The following TARDBP variants were observed in gnomAD, a reference collection of about 807,000 sequenced individuals.
TARDBP encodes the protein TAR DNA-binding protein 43.
Under a neutral mutation model 38.3 loss-of-function variants are expected in TARDBP, and 4 were observed. The ratio of observed to expected loss-of-function variants is 0.10; its 90% CI spans 0.05 to 0.24. TARDBP has a LOEUF of 0.24. TARDBP is among the 10% of genes least tolerant of loss of function. The probability of loss-of-function intolerance (pLI) is 1.00; values close to 1 mark genes in which losing one functional copy is unlikely to be tolerated. For missense variants in TARDBP, 202 were observed against 521.9 expected (o/e 0.39, Z 5.97); for synonymous variants, 184 against 183.8 (o/e 1.00, Z -0.01).
At chr1:11,014,968 G>A (rs7555517) in intron 2 of TARDBP, among the ~76,000 whole-genome samples, 18,838 of 151,848 alleles carry the variant, frequency 0.12, 3,900 homozygotes, top group African/African-American at 0.43. Flanking sequence ...AAAAATTGGC[G>A]TGGTGGCGGG....
At chr1:11,026,759 GT>G, downstream of TARDBP, 10 of 755,612 alleles carry the variant, frequency 1.3e-5, no homozygotes, top group Middle Eastern at 4.0e-4. Context: ...CCTGGAGTCT[GT>G]TTTTTTGGGT....
At chr1:11,020,741 A>G in intron 5 of TARDBP, 142 bp downstream of exon 5, 2 of 734,904 alleles carry the variant, frequency 2.7e-6, no homozygotes, top group South Asian at 1.8e-5. Flanking sequence ...CCCCGTCTCT[A>G]TTAAAATACA....
chr1:11,030,092 C>G, downstream of TARDBP: 1 of 956,036 alleles, frequency 1.0e-6, no homozygotes, highest in Non-Finnish European at 1.6e-6. Flanking sequence ...TTTCTGCCTA[C>G]CACAGCTAAA....
chr1:11,014,941 C>CA (rs34247753), intron 2 of TARDBP, among the ~76,000 whole-genome samples: 8 of 150,886 alleles, frequency 5.3e-5, no homozygotes, highest in Middle Eastern at 3.4e-3. Flanking sequence ...CGTCTCAAAA[C>CA]AAAAAAAAAC....
chr1:11,020,431 A>G lies in TARDBP; in HGVS notation c.546A>G (p.Gln182=). The change falls in exon 5 of 6, where the codon CAA becomes CAG. Residue 182 remains glutamine, a splice_region_variant and synonymous_variant. Transcript: ENST00000240185. The stretch of plus-strand genomic sequence containing the variant: ...TTTCTTCCTTTTGATTTGATCAGCA[A>G]AGCCAAGATGAGCCTTTGAGAAGCA... ...WCDCKLPNSK[Q]SQDEPLRSRK... 1 of 1,614,094 alleles carries G rather than the reference A, an allele frequency of 6.2e-7. No homozygotes were observed. Among genetic ancestry groups the G allele is most frequent in the African/African-American group, 1.3e-5 (1 of 75,010 alleles).
intron 4 of TARDBP, among the ~76,000 whole-genome samples, chr1:11,019,544 TG>T (rs1319029472): frequency 4.6e-5 from 7 of 152,072 alleles, no homozygotes; most frequent in Non-Finnish European, 7.4e-5. Context: ...CTATGCTATC[TG>T]GGTTTATATG....
downstream of TARDBP, chr1:11,027,416 T>G (rs1643756226): frequency 6.2e-7 from 1 of 1,614,096 alleles, no homozygotes; most frequent in South Asian, 1.1e-5. Context: ...ACCAGGCTTG[T>G]GTATAATGAG....
At chr1:11,012,960 G>A (rs1201068203) in intron 1 of TARDBP, among the ~76,000 whole-genome samples, 1 of 152,248 alleles carries the variant, frequency 6.6e-6, no homozygotes, top group Non-Finnish European at 1.5e-5. Flanking sequence ...CCGCGGTGCC[G>A]CGTAGCCTGA....
At chr1:11,021,056 T>G (rs145088020) in intron 5 of TARDBP, among the ~76,000 whole-genome samples, 1 of 152,208 alleles carries the variant, frequency 6.6e-6, no homozygotes, top group Non-Finnish European at 1.5e-5. Flanking sequence ...GTATCTGATA[T>G]CACAAATACA....
downstream of TARDBP, chr1:11,027,189 A>G: frequency 1.9e-6 from 3 of 1,614,220 alleles, no homozygotes; most frequent in Non-Finnish European, 1.7e-6. Context: ...GTCGACATAC[A>G]TTAGATTTCT....
At chr1:11,014,780 AAC>A (rs1049556111) in intron 2 of TARDBP, among the ~76,000 whole-genome samples, 11 of 152,058 alleles carry the variant, frequency 7.2e-5, no homozygotes, top group African/African-American at 2.4e-4. Flanking sequence ...CTCTATCAAA[AAC>A]ACAAAATCTC....
chr1:11,022,950 T>C lies in TARDBP; in HGVS notation c.*296T>C, dbSNP rs898718949. ...TGATATCAAAAGGTTTCTCCTGTAA[T>C]ATTTTATCCCTGGACTTGTCAAGTG... On this transcript the variant is annotated 3_prime_UTR_variant, in exon 6 of 6. Transcript: ENST00000240185. This position sits in a 1 kb window ranked among gnomAD's most constrained non-coding sequence, Gnocchi z 4.5. 2.7e-5 allele frequency: 37 copies of C among 1,370,516 alleles called. No individual in the cohort carries two copies. Among genetic ancestry groups the C allele is most frequent in the Non-Finnish European group, 3.5e-5 (37 of 1,062,098 alleles). 84.9% of individuals were successfully genotyped at this position (1,370,516 alleles called of 1,614,324 possible). A position where few individuals can be genotyped will look rare whatever the true frequency, so the allele number is the denominator to read the frequency against.
intron 5 of TARDBP, among the ~76,000 whole-genome samples, chr1:11,021,915 C>G (rs1268954827): frequency 6.6e-6 from 1 of 152,210 alleles, no homozygotes; most frequent in Non-Finnish European, 1.5e-5. Context: ...CCATGCCCAG[C>G]CTATGTCTTT....
chr1:11,014,185 C>A (rs1054328836), intron 2 of TARDBP, among the ~76,000 whole-genome samples: 1 of 152,176 alleles, frequency 6.6e-6, no homozygotes, highest in Non-Finnish European at 1.5e-5. Context: ...TAAAAAATAT[C>A]TGAATAAACT....
chr1:11,017,448 G>A (rs190783128), intron 3 of TARDBP, among the ~76,000 whole-genome samples: 298 of 152,190 alleles, frequency 2.0e-3, no homozygotes, highest in Non-Finnish European at 3.4e-3. Flanking sequence ...TGATCCACCT[G>A]CCTTGGCCTC....
downstream of TARDBP, chr1:11,027,053 A>G: frequency 6.3e-7 from 1 of 1,591,898 alleles, no homozygotes; most frequent in Non-Finnish European, 8.5e-7. Flanking sequence ...CTCCGCTGTC[A>G]CCTCTGCAGC....
chr1:11,019,420 A>G (rs1335195050), intron 4 of TARDBP, among the ~76,000 whole-genome samples: 1 of 152,208 alleles, frequency 6.6e-6, no homozygotes, highest in African/African-American at 2.4e-5. Context: ...CTATGTTTAG[A>G]TACACAAATA....
At chr1:11,018,997 T>TTG in intron 4 of TARDBP, 124 bp downstream of exon 4, 1 of 1,399,452 alleles carries the variant, frequency 7.1e-7, no homozygotes, top group South Asian at 1.2e-5. Flanking sequence ...TTTTGTCTTG[T>TTG]TGAAGTCTTT....
chr1:11,013,677 G>A, intron 1 of TARDBP, 39 bp from the exon 2 acceptor site: 1 of 1,481,964 alleles, frequency 6.7e-7, no homozygotes, highest in East Asian at 2.3e-5. Context: ...CAGTTATTCT[G>A]ACATGAATGT....
Sources: gnomAD v4.1 joint callset for allele counts (sites outside exome capture counted in the v4.1 genomes callset) on GRCh38, gnomAD v4.1.1 for gene constraint, Gnocchi (gnomAD v3.1) non-coding constraint, MANE v1.5 for transcripts, NCBI Gene and HGNC (gene_info 2026-07-23, HGNC 2026-07-21) for gene names.